Variants in CTNNA2 observed in about 807,000 individuals in gnomAD.
The protein encoded by CTNNA2 is catenin alpha 2, also known as catenin alpha-2.
CTNNA2 carries 42 observed loss-of-function variants against 101.0 expected under a neutral mutation model. That is an observed-to-expected ratio of 0.42 (90% CI 0.32 to 0.54). The LOEUF (loss-of-function observed/expected upper bound fraction) is 0.54, where lower values mean the gene tolerates loss of function less well. CTNNA2 is among the 20% of genes least tolerant of loss of function. The pLI is 0.14. For missense variants in CTNNA2, 871 were observed against 1,223.1 expected (o/e 0.71, Z 4.29); for synonymous variants, 450 against 456.4 (o/e 0.99, Z 0.18).
intron 7 of CTNNA2, among the ~76,000 whole-genome samples, chr2:79,968,827 C>G (rs1050040040): frequency 1.5e-5 from 2 of 129,168 alleles, no homozygotes; most frequent in Admixed American, 7.5e-5. Flanking sequence ...TGGCATGACC[C>G]TTCTTTTTTT....
At chr2:80,485,140 A>G (rs1043948361) in intron 9 of CTNNA2, among the ~76,000 whole-genome samples, 26 of 152,276 alleles carry the variant, frequency 1.7e-4, no homozygotes, top group Non-Finnish European at 1.2e-4. Flanking sequence ...AGTCCTTTAA[A>G]TCAGGCAAAG....
intron 7 of CTNNA2, among the ~76,000 whole-genome samples, chr2:80,159,638 T>G (rs1307324294): frequency 1.3e-5 from 2 of 152,134 alleles, no homozygotes; most frequent in Non-Finnish European, 2.9e-5. Flanking sequence ...CCACCAGAGC[T>G]AATTTTTGTA....
At chr2:80,238,681 G>A (rs1002354042) in intron 7 of CTNNA2, among the ~76,000 whole-genome samples, 2 of 152,158 alleles carry the variant, frequency 1.3e-5, no homozygotes, top group African/African-American at 2.4e-5. Context: ...TGAAGCTAGC[G>A]TAAAAGTTAA....
At chr2:79,778,499 G>GA (rs957118828) in intron 3 of CTNNA2, among the ~76,000 whole-genome samples, 1 of 151,602 alleles carries the variant, frequency 6.6e-6, no homozygotes, top group Non-Finnish European at 1.5e-5. Flanking sequence ...GAATTCATGG[G>GA]AAAAAAAACC....
At chr2:80,433,936 A>G (rs1681782512) in intron 9 of CTNNA2, among the ~76,000 whole-genome samples, 2 of 152,242 alleles carry the variant, frequency 1.3e-5, no homozygotes, top group East Asian at 1.9e-4. Flanking sequence ...GAGAGTAACA[A>G]TTACTTTTCT....
intron 8 of CTNNA2, among the ~76,000 whole-genome samples, chr2:80,417,950 T>G (rs1481285819): frequency 6.6e-6 from 1 of 152,176 alleles, no homozygotes; most frequent in East Asian, 1.9e-4. Context: ...TCTGTTATTT[T>G]TGTGTGGTAT....
chr2:79,206,254 A>G (rs1467098421), intron 2 of CTNNA2, among the ~76,000 whole-genome samples: 1 of 152,008 alleles, frequency 6.6e-6, no homozygotes, highest in Non-Finnish European at 1.5e-5. Flanking sequence ...GCAATTATGG[A>G]AAAAAAGTTT....
At chr2:79,782,158 T>A (rs966883791) in intron 3 of CTNNA2, among the ~76,000 whole-genome samples, 3 of 152,180 alleles carry the variant, frequency 2.0e-5, no homozygotes, top group African/African-American at 7.2e-5. Context: ...TTTAATTTTA[T>A]ATATAAAATG....
At chr2:80,537,531 C>G (rs903243647) in intron 9 of CTNNA2, among the ~76,000 whole-genome samples, 1 of 152,082 alleles carries the variant, frequency 6.6e-6, no homozygotes, top group Non-Finnish European at 1.5e-5. Flanking sequence ...ACTAATTACA[C>G]TCCCACCAAC....
rs953031321 is a variant in CTNNA2 at position 80,537,638 on chromosome 2, G to T, written c.1291-7344G>T. The stretch of plus-strand genomic sequence containing the variant: ...AACGGGGTTTTACTTTTGTTGCCCA[G>T]GCTGGAGTGCAATGGCATGATCTCA... On this transcript the variant is annotated intron_variant, in intron 9 of 18. Transcript: ENST00000402739. 4.0e-5 allele frequency among the ~76,000 whole-genome samples: 6 copies of T among 151,186 alleles called. No individual in the cohort carries two copies. In the East Asian group the frequency reaches 1.2e-3, roughly 29 times the overall value.
intron 1 of CTNNA2, among the ~76,000 whole-genome samples, chr2:79,638,787 T>C (rs1023774330): frequency 9.2e-5 from 14 of 152,224 alleles, no homozygotes; most frequent in Admixed American, 5.9e-4. Flanking sequence ...AATAATTCAC[T>C]AGAGCTTGCT....
intron 4 of CTNNA2, among the ~76,000 whole-genome samples, chr2:79,458,772 T>C (rs1204581047): frequency 1.3e-5 from 2 of 152,168 alleles, no homozygotes; most frequent in Non-Finnish European, 2.9e-5. Flanking sequence ...ATGCAACAAA[T>C]ATAAAAATGT....
intron 7 of CTNNA2, among the ~76,000 whole-genome samples, chr2:80,318,380 C>T (rs1172040298): frequency 6.6e-6 from 1 of 152,140 alleles, no homozygotes; most frequent in East Asian, 1.9e-4. Flanking sequence ...TGAAATTTCT[C>T]AAGAGCAAAG....
intron 2 of CTNNA2, among the ~76,000 whole-genome samples, chr2:79,689,186 CAGA>C (rs1158268120): frequency 6.6e-6 from 1 of 151,732 alleles, no homozygotes; most frequent in Non-Finnish European, 1.5e-5. Flanking sequence ...TTTAAAAAAG[CAGA>C]AGTACAAGGC....
At chr2:79,787,253 T>G (rs1674915142) in intron 3 of CTNNA2, among the ~76,000 whole-genome samples, 2 of 152,188 alleles carry the variant, frequency 1.3e-5, no homozygotes, top group African/African-American at 4.8e-5. Flanking sequence ...ACTTATAACT[T>G]TTTTCAACTT....
intron 3 of CTNNA2, among the ~76,000 whole-genome samples, chr2:79,357,259 A>G (rs778915791): frequency 6.6e-6 from 1 of 152,120 alleles, no homozygotes; most frequent in African/African-American, 2.4e-5. Flanking sequence ...CTAGGAGGTC[A>G]ATGTTGTAAT....
chr2:79,845,204 T>C (rs2103867530), intron 3 of CTNNA2, among the ~76,000 whole-genome samples: 1 of 145,616 alleles, frequency 6.9e-6, no homozygotes, highest in African/African-American at 2.5e-5. Context: ...AATTTCTAAA[T>C]GTCCACTTAG....
At chr2:80,219,723 G>T (rs1319956258) in intron 7 of CTNNA2, among the ~76,000 whole-genome samples, 1 of 151,990 alleles carries the variant, frequency 6.6e-6, no homozygotes, top group African/African-American at 2.4e-5. Context: ...TATCTAATAA[G>T]AAAAATTAAA....
At chr2:79,865,139 C>G (rs1163883677) in intron 4 of CTNNA2, among the ~76,000 whole-genome samples, 3 of 152,170 alleles carry the variant, frequency 2.0e-5, no homozygotes, top group Non-Finnish European at 4.4e-5. Context: ...ATGACACTAG[C>G]ATGTAATCAT....
Sources: gnomAD v4.1 joint callset for allele counts (sites outside exome capture counted in the v4.1 genomes callset) on GRCh38, gnomAD v4.1.1 for gene constraint, MANE v1.5 for transcripts, NCBI Gene and HGNC (gene_info 2026-07-23, HGNC 2026-07-21) for gene names.